CRYZL1: variants seen among roughly 807,000 people sequenced by gnomAD.
The protein encoded by CRYZL1 is ferry endosomal RAB5 effector complex subunit 4.
Under a neutral mutation model 50.6 loss-of-function variants are expected in CRYZL1, and 34 were observed. The ratio of observed to expected loss-of-function variants is 0.67; its 90% confidence interval spans 0.51 to 0.89. CRYZL1 has a LOEUF of 0.89. CRYZL1 is among the 40% of genes least tolerant of loss of function. CRYZL1 has a pLI of 0.00. For synonymous variants in CRYZL1, 125 were observed against 134.3 expected (o/e 0.93, Z 0.48); for missense variants, 354 against 402.3 (o/e 0.88, Z 1.03).
intron 2 of CRYZL1, among the ~76,000 whole-genome samples, chr21:33,627,685 A>G (rs895102746): frequency 1.3e-5 from 2 of 151,874 alleles, no homozygotes; most frequent in Non-Finnish European, 2.9e-5. Context: ...ACTCTCTGAA[A>G]TGTGTATGGA....
At chr21:33,632,612 A>G (rs2087154688) in intron 1 of CRYZL1, among the ~76,000 whole-genome samples, 1 of 152,072 alleles carries the variant, frequency 6.6e-6, no homozygotes, top group South Asian at 2.1e-4. Context: ...TCCTGATCTC[A>G]GGTGATCCAC....
Position 33,638,814 on chromosome 21 carries a change from G to A in CRYZL1, c.-7+2867C>T, listed in dbSNP as rs577674686. 2.6e-5 allele frequency among the ~76,000 whole-genome samples: 4 copies of A among 152,262 alleles called. No individual in the cohort carries two copies. In the South Asian group the frequency reaches 6.2e-4, roughly 24 times the overall value. ...TAACTTAAAACTAAATGGAAAATGCGTAACATTAGATGGTCCCTATCACTA... is the reference window on the plus strand; with the variant it reads ...TAACTTAAAACTAAATGGAAAATGCATAACATTAGATGGTCCCTATCACTA... On this transcript the variant is annotated intron_variant, in intron 1 of 12. Transcript: ENST00000381554.
In CRYZL1 at chr21:33,589,900, A is replaced by G. The variant is rs1284868073; in HGVS notation, c.972T>C (p.Ile324=). 1.9e-6 allele frequency: 3 copies of G among 1,606,454 alleles called. No individual in the cohort carries two copies. The highest frequency in any genetic ancestry group is 3.4e-5 in the Admixed American group (2 of 58,622). The change falls in exon 13 of 13, where the codon ATT becomes ATC. Residue 324 remains isoleucine (I), a synonymous_variant. Coordinates refer to ENST00000381554, the MANE Select transcript of CRYZL1 (RefSeq NM_145858.3). ...GVFRPQLDEP[I]PLYEAKVSME... ...TGGAAACTTTTGCCTCATACAGTGG[A>G]ATGGGTTCATCCAACTGAGGTCTGA...
At chr21:33,595,286 C>T in intron 11 of CRYZL1, 9 of 1,014,566 alleles carry the variant, frequency 8.9e-6, no homozygotes, top group South Asian at 1.7e-5. Context: ...ACTCCACAAA[C>T]TCTTTAATTT....
intron 2 of CRYZL1, among the ~76,000 whole-genome samples, chr21:33,628,568 G>C (rs1455167608): frequency 1.3e-5 from 2 of 149,558 alleles, no homozygotes. Context: ...ATTTTTTATA[G>C]CTATTATAAA....
At position 33,638,469 on chromosome 21, in the gene CRYZL1, T is replaced by C. The variant is rs180681798; in HGVS notation, c.-7+3212A>G. Among the ~76,000 whole-genome samples the C allele has an allele frequency of 4.2e-3, 640 of 152,298 alleles. 8 individuals are homozygous for C. Among genetic ancestry groups the C allele is most frequent in the African/African-American group, 0.015 (606 of 41,554 alleles). On this transcript the variant is annotated intron_variant, in intron 1 of 12. Transcript: ENST00000381554. ...ACCTCCTGATCCACCCACCTCGGCT[T>C]CCCAAAGTGCTGGGATTACAGGCGT...
At chr21:33,629,168 T>C (rs1216617931) in intron 2 of CRYZL1, among the ~76,000 whole-genome samples, 1 of 152,100 alleles carries the variant, frequency 6.6e-6, no homozygotes. Context: ...GAGGTTGCAG[T>C]GAGCCCAGAT....
intron 11 of CRYZL1, chr21:33,591,467 C>A (rs953805956): frequency 5.6e-6 from 3 of 535,400 alleles, no homozygotes; most frequent in Non-Finnish European, 9.9e-6. Context: ...TGGTGCTTAT[C>A]CTAAGTGCTC....
intron 6 of CRYZL1, among the ~76,000 whole-genome samples, chr21:33,609,674 A>G (rs938342627): frequency 1.3e-5 from 2 of 151,070 alleles, no homozygotes; most frequent in Admixed American, 6.6e-5. Context: ...GCCCATTCTT[A>G]AAGTCTTTCT....
intron 6 of CRYZL1, among the ~76,000 whole-genome samples, chr21:33,607,993 G>T (rs562627136): frequency 6.6e-6 from 1 of 151,858 alleles, no homozygotes; most frequent in African/African-American, 2.4e-5. Flanking sequence ...TATGATTTAC[G>T]AATACAATGT....
intron 6 of CRYZL1, among the ~76,000 whole-genome samples, chr21:33,609,748 G>A (rs1051792750): frequency 6.6e-6 from 1 of 151,808 alleles, no homozygotes; most frequent in East Asian, 1.9e-4. Flanking sequence ...TGTTGCCCAG[G>A]CTGGAGTGCA....
At position 33,633,905 on chromosome 21, in the gene CRYZL1, T is replaced by A. The variant is rs78657528; in HGVS notation, c.-6-2348A>T. 3.0e-3 allele frequency among the ~76,000 whole-genome samples: 450 copies of A among 152,336 alleles called. 1 individual carries two copies. The highest frequency in any genetic ancestry group is 0.011 in the African/African-American group (441 of 41,576). ...GGTCAGTGAGACTGCATAGGCCATA[T>A]GTCCATAAAGCCAGCCCTCTGTGTT... On this transcript the variant is annotated intron_variant, in intron 1 of 12. Transcript: ENST00000381554.
At position 33,637,153 on chromosome 21, in the gene CRYZL1, A is replaced by C. The variant is rs1200292193; in HGVS notation, c.-7+4528T>G. On this transcript the variant is annotated intron_variant, in intron 1 of 12. Coordinates refer to ENST00000381554, the MANE Select transcript of CRYZL1 (RefSeq NM_145858.3). ...TTGCTGTACTCTCTAGTCATCAAGA[A>C]TAATTTAGATCGCTGGGCGCGGTGG... is the stretch of plus-strand genomic sequence containing the variant. Among the ~76,000 whole-genome samples, 3 of 152,162 alleles carry C rather than the reference A, an allele frequency of 2.0e-5. No individual in the cohort carries two copies. The East Asian group carries it at 5.8e-4, about 29-fold the overall frequency.
At chr21:33,594,601 C>G (rs2086675653) in intron 11 of CRYZL1, 1 of 150,780 alleles carries the variant, frequency 6.6e-6, no homozygotes, top group Non-Finnish European at 1.5e-5. Flanking sequence ...AAATCTACTC[C>G]TTAAAACTTA....
chr21:33,613,466 T>C, intron 6 of CRYZL1, 72 bp downstream of exon 6: 2 of 1,030,408 alleles, frequency 1.9e-6, no homozygotes, highest in Non-Finnish European at 3.0e-6. Context: ...TCAAAAAAAT[T>C]AAAATGTTAT....
intron 1 of CRYZL1, among the ~76,000 whole-genome samples, chr21:33,637,005 G>A (rs1019241923): frequency 1.3e-5 from 2 of 152,050 alleles, no homozygotes; most frequent in Non-Finnish European, 2.9e-5. Flanking sequence ...ATTCTTAGTT[G>A]TAAATAAAAC....
At chr21:33,622,734 T>C (rs1002406520) in intron 3 of CRYZL1, among the ~76,000 whole-genome samples, 1 of 152,198 alleles carries the variant, frequency 6.6e-6, no homozygotes. Flanking sequence ...TTTAAGCTCC[T>C]GGCACTTAAC....
chr21:33,641,320 C>T (rs1201118015), intron 1 of CRYZL1: 1 of 1,540,974 alleles, frequency 6.5e-7, no homozygotes, highest in South Asian at 1.2e-5. Context: ...GAAGAAGTAA[C>T]AGAGAAAGAA....
At chr21:33,615,713 G>A (rs919845045) in intron 5 of CRYZL1, among the ~76,000 whole-genome samples, 3 of 152,156 alleles carry the variant, frequency 2.0e-5, no homozygotes, top group African/African-American at 7.2e-5. Context: ...TACAAGAGTT[G>A]TAAGAGAAAA....
Sources: allele counts gnomAD v4.1 joint callset (sites outside exome capture counted in the v4.1 genomes callset), GRCh38; gene constraint gnomAD v4.1.1; transcripts MANE v1.5; gene names NCBI Gene and HGNC (gene_info 2026-07-23, HGNC 2026-07-21).